GJC1: variants seen among roughly 807,000 people sequenced by gnomAD.
GJC1 encodes the protein gap junction gamma-1 protein.
A neutral mutation model predicts 29.3 loss-of-function variants in GJC1; 5 were observed. The ratio of observed to expected loss-of-function variants is 0.17; its 90% CI spans 0.09 to 0.36. GJC1 has a LOEUF of 0.36. Among genes scored for constraint, GJC1 ranks in the 10% least tolerant of loss-of-function variants. The pLI is 1.00. For synonymous variants in GJC1, 177 were observed against 183.3 expected (o/e 0.97, Z 0.28); for missense variants, 310 against 496.2 (o/e 0.62, Z 3.56).
chr17:44,803,182 T>C lies in GJC1; in HGVS notation c.*1445A>G, dbSNP rs1438169716. ...CAGAATTTCCAAGTCAGAGGTGGCT[T>C]ACAACAGCTTTCATTAGAAAAGGGT... On this transcript the variant is annotated 3_prime_UTR_variant, in exon 3 of 3. Transcript: ENST00000592524. The C allele has an allele frequency of 1.3e-5, 2 of 152,194 alleles. No individual in the cohort carries two copies. Among genetic ancestry groups the C allele is most frequent in the Admixed American group, 6.5e-5 (1 of 15,270 alleles). 9.4% of individuals were successfully genotyped at this position (152,194 alleles called of 1,614,324 possible).
intron 1 of GJC1, among the ~76,000 whole-genome samples, chr17:44,817,866 T>C (rs1424690254): frequency 6.6e-6 from 1 of 152,114 alleles, no homozygotes; most frequent in Non-Finnish European, 1.5e-5. Context: ...AATGGAATTA[T>C]GTACAGGTTC....
chr17:44,806,284 TG>T (rs1407366811), intron 2 of GJC1, among the ~76,000 whole-genome samples: 5 of 152,080 alleles, frequency 3.3e-5, no homozygotes, highest in African/African-American at 1.2e-4. Context: ...AGTCAACACC[TG>T]TTGGCCCCAC....
downstream of GJC1, among the ~76,000 whole-genome samples, chr17:44,795,936 G>A (rs931216086): frequency 2.0e-5 from 3 of 152,216 alleles, no homozygotes; most frequent in African/African-American, 7.2e-5. Context: ...AGTGGAAGTA[G>A]CTCTCAGCAG....
At chr17:44,808,716 C>T (rs866990486) in intron 1 of GJC1, among the ~76,000 whole-genome samples, 2 of 152,098 alleles carry the variant, frequency 1.3e-5, no homozygotes, top group East Asian at 1.9e-4. Flanking sequence ...GAGTTGTGAT[C>T]GTGCCACTGC....
At chr17:44,820,627 A>T (rs1232083519) in intron 1 of GJC1, among the ~76,000 whole-genome samples, 2 of 152,224 alleles carry the variant, frequency 1.3e-5, no homozygotes, top group African/African-American at 4.8e-5. Context: ...GACTAAATTT[A>T]AAAATTTCAA....
At chr17:44,815,621 T>G (rs1261670150) in intron 1 of GJC1, among the ~76,000 whole-genome samples, 1 of 152,154 alleles carries the variant, frequency 6.6e-6, no homozygotes, top group Non-Finnish European at 1.5e-5. Context: ...TCTAAGACAG[T>G]AGGATACGTT....
intron 1 of GJC1, among the ~76,000 whole-genome samples, chr17:44,811,727 G>C (rs1030826734): frequency 6.6e-6 from 1 of 151,998 alleles, no homozygotes; most frequent in Non-Finnish European, 1.5e-5. Context: ...AAAATAGGCC[G>C]GCGCGGTGGC....
chr17:44,830,901 C>A, upstream of GJC1: 1 of 389,096 alleles, frequency 2.6e-6, no homozygotes, highest in Non-Finnish European at 4.5e-6. This position sits in a 1 kb window ranked among gnomAD's most constrained non-coding sequence, Gnocchi z 4.3. Context: ...CCAGCAGGAT[C>A]CCATTCAGAG....
downstream of GJC1, among the ~76,000 whole-genome samples, chr17:44,795,991 G>A (rs1290342665): frequency 2.6e-5 from 4 of 152,226 alleles, no homozygotes; most frequent in Non-Finnish European, 5.9e-5. Flanking sequence ...GAGTCCGGCC[G>A]CTTGGCGGCC....
intron 1 of GJC1, among the ~76,000 whole-genome samples, chr17:44,813,889 T>C (rs761722057): frequency 7.9e-5 from 12 of 152,152 alleles, no homozygotes; most frequent in Non-Finnish European, 1.2e-4. Context: ...TCCTCATTTC[T>C]GTAATGGGTC....
Position 44,799,124 on chromosome 17 carries a change from A to C in GJC1, c.*5503T>G, listed in dbSNP as rs141220459. The stretch of plus-strand genomic sequence containing the variant: ...TGTGATCCACCTGCCTTGGCCTCCC[A>C]AAGTGTTGGGATTACAGGCATAAGC... On this transcript the variant is annotated 3_prime_UTR_variant, in exon 3 of 3. Transcript: ENST00000592524. 1 of 152,184 alleles carries C rather than the reference A, an allele frequency of 6.6e-6. No individual in the cohort carries two copies. The highest frequency in any genetic ancestry group is 1.5e-5 in the Non-Finnish European group (1 of 68,084). The allele number at this position is 152,184 out of a possible 1,614,324, so 9.4% of individuals were successfully genotyped here.
Position 44,805,736 on chromosome 17 carries a change from G to A in GJC1, c.82C>T (p.Leu28=). The A allele has an allele frequency of 6.2e-7, 1 of 1,614,106 alleles. No homozygotes were observed. The highest frequency in any genetic ancestry group is 8.5e-7 in the Non-Finnish European group (1 of 1,179,944). The stretch of plus-strand genomic sequence containing the variant: ...GTAAGGACGATCCGGAAGACAATCA[G>A]AACAGTGAGCCAGATCTTCCCCACA... The part of the protein sequence containing the change: ...TFVGKIWLTV[L]IVFRIVLTAV... The change falls in exon 3 of 3, where the codon CTG becomes TTG. Residue 28 remains leucine, a synonymous_variant. Coordinates refer to ENST00000592524, the MANE Select transcript of GJC1 (RefSeq NM_005497.4). The surrounding 1 kb of genome is among the most constrained non-coding windows in gnomAD (Gnocchi z 5.1).
chr17:44,805,030 T>C lies in GJC1; in HGVS notation c.788A>G (p.Asn263Ser), dbSNP rs1161156040. 2.5e-6 allele frequency: 4 copies of C among 1,613,940 alleles called. No individual in the cohort carries two copies. Among genetic ancestry groups the C allele is most frequent in the Non-Finnish European group, 3.4e-6 (4 of 1,180,040 alleles). The part of the protein sequence containing the change: ...LGFGTIRDSL[N>S]SKRRELEDPG... ...ATCCTCAAGTTCCCTCCTTTTACTG[T>C]TTAGTGAGTCTCGAATGGTCCCAAA... is the stretch of plus-strand genomic sequence containing the variant. The change falls in exon 3 of 3, where the codon AAC (asparagine) becomes AGC (serine). Residue 263 changes from asparagine (N) to serine (S), a missense_variant. Coordinates refer to ENST00000592524, the MANE Select transcript of GJC1 (RefSeq NM_005497.4). This position sits in a 1 kb window ranked among gnomAD's most constrained non-coding sequence, Gnocchi z 5.1.
intron 1 of GJC1, among the ~76,000 whole-genome samples, chr17:44,818,508 TAA>T (rs11335815): frequency 1.7e-3 from 247 of 144,156 alleles, no homozygotes; most frequent in Middle Eastern, 0.011. Context: ...AGTCTCATGT[TAA>T]AAAAAAAAAA....
downstream of GJC1, chr17:44,795,045 GCT>G (rs1433533105): frequency 6.6e-6 from 1 of 152,160 alleles, no homozygotes; most frequent in Admixed American, 6.6e-5. Flanking sequence ...CATGTCAGCA[GCT>G]CTTTTTCTGG....
chr17:44,817,154 T>C (rs190735250), intron 1 of GJC1, among the ~76,000 whole-genome samples: 2 of 151,896 alleles, frequency 1.3e-5, no homozygotes, highest in East Asian at 2.0e-4. Flanking sequence ...TGCAGTGAGC[T>C]GAGATCGTGC....
At chr17:44,825,357 G>A (rs1449133698) in intron 1 of GJC1, among the ~76,000 whole-genome samples, 2 of 152,112 alleles carry the variant, frequency 1.3e-5, no homozygotes, top group Non-Finnish European at 2.9e-5. Flanking sequence ...GGGCATGGTG[G>A]TGCATGCCTG....
chr17:44,828,648 A>G (rs2050199813), intron 1 of GJC1, among the ~76,000 whole-genome samples: 1 of 152,242 alleles, frequency 6.6e-6, no homozygotes, highest in South Asian at 2.1e-4. Flanking sequence ...GACATTACAC[A>G]GTACTTAAGA....
intron 1 of GJC1, among the ~76,000 whole-genome samples, chr17:44,817,896 T>G (rs1265016849): frequency 6.6e-6 from 1 of 151,700 alleles, no homozygotes; most frequent in African/African-American, 2.4e-5. Flanking sequence ...CTAATCCCAA[T>G]CTTCAGGATC....
Sources: allele counts gnomAD v4.1 joint callset (sites outside exome capture counted in the v4.1 genomes callset), GRCh38; gene constraint gnomAD v4.1.1; non-coding constraint Gnocchi (gnomAD v3.1); transcripts MANE v1.5; gene names NCBI Gene and HGNC (gene_info 2026-07-23, HGNC 2026-07-21).